The following MYO3A variants were observed in gnomAD, a reference collection of about 807,000 sequenced individuals.
The protein encoded by MYO3A is myosin IIIA.
In MYO3A, 180 loss-of-function variants were observed where a neutral mutation model predicts 192.7. The ratio of observed to expected loss-of-function variants is 0.93; its 90% CI spans 0.83 to 1.06. The LOEUF (loss-of-function observed/expected upper bound fraction) is 1.06. Among genes scored for constraint, MYO3A ranks in the 50% least tolerant of loss-of-function variants. MYO3A has a pLI of 0.00. For synonymous variants in MYO3A, 628 were observed against 645.3 expected (o/e 0.97, Z 0.41); for missense variants, 1,896 against 1,905.0 (o/e 1.00, Z 0.09).
At chr10:26,202,193 G>C (rs1458448129) in intron 33 of MYO3A, among the ~76,000 whole-genome samples, 2 of 152,182 alleles carry the variant, frequency 1.3e-5, no homozygotes, top group Non-Finnish European at 2.9e-5. Flanking sequence ...GAACAAACAA[G>C]AGCGTTTCTA....
At chr10:26,186,211 C>T (rs7915636) in intron 31 of MYO3A, among the ~76,000 whole-genome samples, 25,770 of 151,004 alleles carry the variant, frequency 0.17, 2,315 homozygotes, top group East Asian at 0.3. Flanking sequence ...ACATTTCCTT[C>T]AACAATTTGG....
intron 7 of MYO3A, among the ~76,000 whole-genome samples, chr10:26,019,664 G>A (rs574563184): frequency 1.6e-4 from 25 of 152,248 alleles, no homozygotes; most frequent in African/African-American, 6.0e-4. Context: ...CCTGTGTCTG[G>A]CTTCTTTTAC....
chr10:26,149,478 A>C (rs1589039229), intron 23 of MYO3A, among the ~76,000 whole-genome samples: 1 of 151,972 alleles, frequency 6.6e-6, no homozygotes, highest in South Asian at 2.1e-4. Flanking sequence ...CAGGTGATCC[A>C]CCCGCCTCGG....
chr10:26,086,172 C>G (rs1368432260), intron 14 of MYO3A, among the ~76,000 whole-genome samples: 2 of 152,034 alleles, frequency 1.3e-5, no homozygotes, highest in Non-Finnish European at 2.9e-5. Context: ...AAAAAACTTA[C>G]AATCGTGGGC....
At chr10:25,956,816 T>C (rs1837573681) in intron 4 of MYO3A, among the ~76,000 whole-genome samples, 1 of 152,140 alleles carries the variant, frequency 6.6e-6, no homozygotes. Flanking sequence ...ACAGGGTTTG[T>C]TGTACAGATT....
At chr10:26,135,092 C>G (rs1484815854) in intron 20 of MYO3A, among the ~76,000 whole-genome samples, 2 of 152,100 alleles carry the variant, frequency 1.3e-5, no homozygotes, top group East Asian at 1.9e-4. Context: ...AAATGACTCC[C>G]TCTCCTCAAC....
chr10:26,038,040 A>C (rs1564482654), intron 10 of MYO3A, among the ~76,000 whole-genome samples: 1 of 152,188 alleles, frequency 6.6e-6, no homozygotes, highest in African/African-American at 2.4e-5. Flanking sequence ...TGGGTTCTCT[A>C]TTCTGTCCCA....
chr10:26,100,384 C>T lies in MYO3A; in HGVS notation c.1776+3702C>T, dbSNP rs546673253. 5.9e-5 allele frequency among the ~76,000 whole-genome samples: 9 copies of T among 152,054 alleles called. 1 individual carries two copies. The East Asian group carries it at 1.4e-3, about 23-fold the overall frequency. ...CTGGATTCATTGATTTTTTGAAGAG[C>T]TTTTTGTGTCTCTATCTACTTCAGT... On this transcript the variant is annotated intron_variant, in intron 17 of 34. Coordinates refer to ENST00000642920, the MANE Select transcript of MYO3A (RefSeq NM_017433.5).
At chr10:26,162,671 T>C (rs1390563528) in intron 26 of MYO3A, among the ~76,000 whole-genome samples, 1 of 152,228 alleles carries the variant, frequency 6.6e-6, no homozygotes, top group Non-Finnish European at 1.5e-5. Flanking sequence ...ATAGAAACAA[T>C]CCTCTGGCTT....
At chr10:26,017,902 A>G (rs991311192) in intron 7 of MYO3A, among the ~76,000 whole-genome samples, 6 of 151,076 alleles carry the variant, frequency 4.0e-5, no homozygotes, top group African/African-American at 1.5e-4. Context: ...TGTTTTTAAA[A>G]CTTACCAAAA....
At chr10:26,104,906 T>C (rs906776331) in intron 17 of MYO3A, among the ~76,000 whole-genome samples, 1 of 150,174 alleles carries the variant, frequency 6.7e-6, no homozygotes, top group African/African-American at 2.4e-5. Flanking sequence ...CCCATGCAGA[T>C]GTTGACACAT....
intron 10 of MYO3A, among the ~76,000 whole-genome samples, chr10:26,036,536 A>G (rs1359857375): frequency 6.6e-6 from 1 of 152,164 alleles, no homozygotes; most frequent in Non-Finnish European, 1.5e-5. Flanking sequence ...CATTTTCTCT[A>G]GTAATTAATA....
At chr10:26,197,520 G>T (rs1332037843) in intron 32 of MYO3A, among the ~76,000 whole-genome samples, 3 of 152,088 alleles carry the variant, frequency 2.0e-5, no homozygotes, top group African/African-American at 4.8e-5. Flanking sequence ...TATGTCCCTG[G>T]CCTGCTTCAT....
chr10:26,039,560 T>C (rs1843223667), intron 10 of MYO3A, among the ~76,000 whole-genome samples: 1 of 152,134 alleles, frequency 6.6e-6, no homozygotes. Context: ...TTTGATCTCA[T>C]TACTTCATAT....
chr10:25,994,943 T>C (rs1240439364), intron 4 of MYO3A, among the ~76,000 whole-genome samples: 2 of 152,318 alleles, frequency 1.3e-5, no homozygotes, highest in African/African-American at 4.8e-5. Flanking sequence ...GCCCTTAATA[T>C]TTTTTCCTTC....
At chr10:26,139,281 G>C (rs909895805) in intron 20 of MYO3A, among the ~76,000 whole-genome samples, 1 of 152,032 alleles carries the variant, frequency 6.6e-6, no homozygotes, top group Non-Finnish European at 1.5e-5. Context: ...TTGTTGCCCA[G>C]GCTGGAGTGC....
chr10:26,150,385 A>C (rs2131888128), intron 23 of MYO3A, among the ~76,000 whole-genome samples: 1 of 152,276 alleles, frequency 6.6e-6, no homozygotes, highest in Non-Finnish European at 1.5e-5. Flanking sequence ...TTCAATTTTC[A>C]GGAATAGTAG....
chr10:26,017,981 T>TTAA (rs111473100), intron 7 of MYO3A, among the ~76,000 whole-genome samples: 14,072 of 149,508 alleles, frequency 0.094, 1,161 homozygotes, highest in African/African-American at 0.21. Context: ...TTTGCATATA[T>TTAA]TAATATAATA....
At chr10:26,083,758 A>T (rs531977120) in intron 14 of MYO3A, among the ~76,000 whole-genome samples, 17 of 152,322 alleles carry the variant, frequency 1.1e-4, no homozygotes, top group African/African-American at 3.8e-4. Flanking sequence ...GATGTAGATT[A>T]TTCTGTGGTT....
Sources: allele counts gnomAD v4.1 joint callset (sites outside exome capture counted in the v4.1 genomes callset), GRCh38; gene constraint gnomAD v4.1.1; transcripts MANE v1.5; gene names NCBI Gene and HGNC (gene_info 2026-07-23, HGNC 2026-07-21).